RFTN1: variants seen among roughly 807,000 people sequenced by gnomAD.
RFTN1 encodes raftlin, lipid raft linker 1.
In RFTN1, 26 loss-of-function variants were observed where a neutral mutation model predicts 46.5. That is an observed-to-expected ratio of 0.56 (90% confidence interval 0.41 to 0.78). The LOEUF is 0.78. RFTN1 is among the 30% of genes least tolerant of loss of function. The probability of loss-of-function intolerance (pLI) is 0.00; values close to 1 mark genes in which losing one functional copy is unlikely to be tolerated. For synonymous variants in RFTN1, 261 were observed against 284.2 expected (o/e 0.92, Z 0.82); for missense variants, 693 against 718.7 (o/e 0.96, Z 0.41).
In RFTN1 at chr3:16,344,182, G is replaced by T. The variant is rs1250735057; in HGVS notation, c.1146+13750C>A. Among the ~76,000 whole-genome samples the T allele has an allele frequency of 1.3e-5, 2 of 152,128 alleles. No individual in the cohort carries two copies. Among genetic ancestry groups the T allele is most frequent in the Admixed American group, 6.5e-5 (1 of 15,280 alleles). On this transcript the variant is annotated intron_variant, in intron 7 of 9. Transcript: ENST00000334133. This position sits in a 1 kb window ranked among gnomAD's most constrained non-coding sequence, Gnocchi z 4.4. ...ACTTTTTGGAGCTTAAATACAATTT[G>T]TTGATACTTAAATGTATTCCTATTA...
intron 6 of RFTN1, 117 bp downstream of exon 6, chr3:16,369,959 T>C: frequency 2.1e-6 from 2 of 938,810 alleles, no homozygotes; most frequent in Non-Finnish European, 3.4e-6. Flanking sequence ...AAATGCAGCA[T>C]GGTTATCGGC....
Position 16,335,775 on chromosome 3 carries a change from TTAAA to T in RFTN1, c.1147-8903_1147-8900del, listed in dbSNP as rs1241530760. ...TATCCTGCACTTGCACCCTGGAACT[TTAAA>T]AAAAAAAAAAAAAAAAGGAGTTTGA... On this transcript the variant is annotated intron_variant, in intron 7 of 9. Transcript: ENST00000334133. The surrounding 1 kb of genome is among the most constrained non-coding windows in gnomAD (Gnocchi z 4.7). Among the ~76,000 whole-genome samples, 4 of 125,114 alleles carry T rather than the reference TTAAA, an allele frequency of 3.2e-5. 1 individual carries two copies. Among genetic ancestry groups the T allele is most frequent in the Non-Finnish European group, 3.3e-5 (2 of 61,208 alleles). The allele number at this position is 125,114 out of a possible 152,430, so 82.1% of individuals were successfully genotyped here.
chr3:16,436,260 C>G (rs2075512348), intron 2 of RFTN1, among the ~76,000 whole-genome samples: 1 of 151,172 alleles, frequency 6.6e-6, no homozygotes, highest in Non-Finnish European at 1.5e-5. Context: ...TGTAAGAACT[C>G]TTTACATATT....
At chr3:16,378,963 AAAAT>A (rs1359688297) in intron 4 of RFTN1, among the ~76,000 whole-genome samples, 6 of 152,270 alleles carry the variant, frequency 3.9e-5, no homozygotes, top group East Asian at 1.9e-4. Flanking sequence ...AGAAAAATTG[AAAAT>A]AAATAACCTA....
At chr3:16,469,313 C>A (rs1036374116) in intron 2 of RFTN1, among the ~76,000 whole-genome samples, 2 of 152,172 alleles carry the variant, frequency 1.3e-5, no homozygotes, top group African/African-American at 4.8e-5. Context: ...ATATTAGGTG[C>A]TATGTGAGTC....
rs1041646472 is a variant in RFTN1 at position 16,452,095 on chromosome 3, T to G, written c.146-18058A>C. Among the ~76,000 whole-genome samples, 1 of 152,284 alleles carries G rather than the reference T, an allele frequency of 6.6e-6. No individual in the cohort carries two copies. The highest frequency in any genetic ancestry group is 2.1e-4 in the South Asian group (1 of 4,820). ...CGAGATTTCACCATGCTACTCAGAA[T>G]AGTGAGTAATTGAAAACTTATGCAT... On this transcript the variant is annotated intron_variant, in intron 2 of 9. Transcript: ENST00000334133. This position sits in a 1 kb window ranked among gnomAD's most constrained non-coding sequence, Gnocchi z 6.3.
rs772889229 is a variant in RFTN1, at chr3:16,342,533, C to A, written c.1146+15399G>T. 6.6e-6 allele frequency among the ~76,000 whole-genome samples: 1 copy of A among 152,102 alleles called. No individual in the cohort carries two copies. The highest frequency in any genetic ancestry group is 1.5e-5 in the Non-Finnish European group (1 of 68,016). On this transcript the variant is annotated intron_variant, in intron 7 of 9. Coordinates refer to ENST00000334133, the MANE Select transcript of RFTN1 (RefSeq NM_015150.2). This position sits in a 1 kb window ranked among gnomAD's most constrained non-coding sequence, Gnocchi z 4.0. ...TTTATGTGGACATATGTTTTCATTT[C>A]TCTTAAATATAGGGGTGGAATTGCT...
chr3:16,365,704 G>A (rs565757685), intron 6 of RFTN1, among the ~76,000 whole-genome samples: 158 of 152,216 alleles, frequency 1.0e-3, no homozygotes, highest in African/African-American at 3.5e-3. Context: ...TGCCTGGAAC[G>A]TATTCTTGTC....
At position 16,427,508 on chromosome 3, in the gene RFTN1, C is replaced by G. The variant is rs2075308523; in HGVS notation, c.332+6343G>C. 6.6e-6 allele frequency among the ~76,000 whole-genome samples: 1 copy of G among 152,240 alleles called. No individual in the cohort carries two copies. The highest frequency in any genetic ancestry group is 2.4e-5 in the African/African-American group (1 of 41,456). On this transcript the variant is annotated intron_variant, in intron 3 of 9. Coordinates refer to ENST00000334133, the MANE Select transcript of RFTN1 (RefSeq NM_015150.2). This position sits in a 1 kb window ranked among gnomAD's most constrained non-coding sequence, Gnocchi z 5.4. ...CCTGGGTGGACAAGGCTGACTCATT[C>G]AGTCATCTGTGTTGCTCGTAAGCAC...
chr3:16,370,222 T>A lies in RFTN1; in HGVS notation c.884A>T (p.Tyr295Phe). The A allele has an allele frequency of 1.2e-6, 2 of 1,614,050 alleles. No homozygotes were observed. Among genetic ancestry groups the A allele is most frequent in the Non-Finnish European group, 1.7e-6 (2 of 1,179,930 alleles). ...KPKSHQKCRQ[Y>F]YPVTIPLHVS... ...ATGGAGAGGAATGGTGACAGGGTAG[T>A]ATTGCCGGCACTTCTGATGGCTCTT... The change falls in exon 6 of 10, where the codon TAC becomes TTC. Residue 295 changes from tyrosine to phenylalanine, a missense_variant. By Grantham distance (22) the Tyr-to-Phe change is conservative. Coordinates refer to ENST00000334133, the MANE Select transcript of RFTN1 (RefSeq NM_015150.2). This position sits in a 1 kb window ranked among gnomAD's most constrained non-coding sequence, Gnocchi z 5.5.
At chr3:16,333,762 T>C (rs1421158892) in intron 7 of RFTN1, among the ~76,000 whole-genome samples, 1 of 151,288 alleles carries the variant, frequency 6.6e-6, no homozygotes, top group Non-Finnish European at 1.5e-5. Context: ...AAAGAAAAAA[T>C]CCAATAATCC....
rs756430731 is a variant in RFTN1 at position 16,424,454 on chromosome 3, C to G, written c.332+9397G>C. On this transcript the variant is annotated intron_variant, in intron 3 of 9. Transcript: ENST00000334133. The surrounding 1 kb of genome is among the most constrained non-coding windows in gnomAD (Gnocchi z 4.7). The stretch of plus-strand genomic sequence containing the variant: ...AAATATTAACAACAGAAACAACCAT[C>G]ATGAGGACATAATGAGAATTAATTA... Among the ~76,000 whole-genome samples, 3 of 152,160 alleles carry G rather than the reference C, an allele frequency of 2.0e-5. No individual in the cohort carries two copies. Among genetic ancestry groups the G allele is most frequent in the Non-Finnish European group, 4.4e-5 (3 of 68,034 alleles).
At chr3:16,362,624 A>C (rs2072904084) in intron 6 of RFTN1, among the ~76,000 whole-genome samples, 1 of 152,190 alleles carries the variant, frequency 6.6e-6, no homozygotes, top group African/African-American at 2.4e-5. Context: ...GGATTGTATC[A>C]ACACAGCACA....
At chr3:16,430,392 G>A (rs1428689408) in intron 3 of RFTN1, among the ~76,000 whole-genome samples, 4 of 152,192 alleles carry the variant, frequency 2.6e-5, no homozygotes, top group Admixed American at 2.0e-4. Context: ...GATTATAGGT[G>A]TGAGCCACTG....
At chr3:16,423,784 C>G (rs1188688810) in intron 3 of RFTN1, among the ~76,000 whole-genome samples, 1 of 152,178 alleles carries the variant, frequency 6.6e-6, no homozygotes, top group Non-Finnish European at 1.5e-5. Flanking sequence ...ATTTTGGAGA[C>G]TTAAACTATA....
chr3:16,398,244 CAAAAAAAA>C (rs202032095), intron 4 of RFTN1, among the ~76,000 whole-genome samples: 29 of 110,936 alleles, frequency 2.6e-4, no homozygotes, highest in African/African-American at 6.5e-4. Context: ...AAGACTGTCT[CAAAAAAAA>C]AAAAAAAAAA....
rs1476235797 is a variant in RFTN1 at position 16,449,463 on chromosome 3, C to T, written c.146-15426G>A. Among the ~76,000 whole-genome samples, 1 of 152,144 alleles carries T rather than the reference C, an allele frequency of 6.6e-6. No individual in the cohort carries two copies. Among genetic ancestry groups the T allele is most frequent in the Non-Finnish European group, 1.5e-5 (1 of 68,016 alleles). ...AAATAACACCTTTCTCATCAGGCTG[C>T]TATGAAGATTGAGATAATGCACATA... On this transcript the variant is annotated intron_variant, in intron 2 of 9. Coordinates refer to ENST00000334133, the MANE Select transcript of RFTN1 (RefSeq NM_015150.2). The surrounding 1 kb of genome is among the most constrained non-coding windows in gnomAD (Gnocchi z 5.1).
At chr3:16,416,559 G>A (rs2075084198) in intron 3 of RFTN1, among the ~76,000 whole-genome samples, 1 of 152,214 alleles carries the variant, frequency 6.6e-6, no homozygotes, top group Admixed American at 6.5e-5. Flanking sequence ...AAGTGCATAT[G>A]AGAATTCTCT....
rs2076920372 is a variant in RFTN1 at position 16,512,604 on chromosome 3, C to A, written c.-9+838G>T. ...CTTGGCCTCCACGCGGTTCTTGCTGCCAAAGGCAGCGACACCGGAGGTGAA... is the reference window on the plus strand; with the variant it reads ...CTTGGCCTCCACGCGGTTCTTGCTGACAAAGGCAGCGACACCGGAGGTGAA... On this transcript the variant is annotated intron_variant, in intron 1 of 9. Coordinates refer to ENST00000334133, the MANE Select transcript of RFTN1 (RefSeq NM_015150.2). This position sits in a 1 kb window ranked among gnomAD's most constrained non-coding sequence, Gnocchi z 4.3. 1.3e-5 allele frequency among the ~76,000 whole-genome samples: 2 copies of A among 152,104 alleles called. No individual in the cohort carries two copies. The highest frequency in any genetic ancestry group is 4.1e-4 in the South Asian group (2 of 4,824).
Sources: gnomAD v4.1 joint callset for allele counts (sites outside exome capture counted in the v4.1 genomes callset) on GRCh38, gnomAD v4.1.1 for gene constraint, Gnocchi (gnomAD v3.1) non-coding constraint, MANE v1.5 for transcripts, NCBI Gene and HGNC (gene_info 2026-07-23, HGNC 2026-07-21) for gene names.